Variants in IP6K2 observed in about 807,000 individuals in gnomAD.
IP6K2 encodes the protein inositol hexakisphosphate kinase 2.
In IP6K2, 9 loss-of-function variants were observed where a neutral mutation model predicts 43.3. That is an observed-to-expected ratio of 0.21 (90% CI 0.13 to 0.36). The LOEUF is 0.36. Among genes scored for constraint, IP6K2 ranks in the 10% least tolerant of loss-of-function variants. IP6K2 has a pLI of 1.00. For synonymous variants in IP6K2, 209 were observed against 202.4 expected (o/e 1.03, Z -0.28); for missense variants, 332 against 538.4 (o/e 0.62, Z 3.79).
intron 2 of IP6K2, chr3:48,694,308 A>G (rs1385700543): frequency 2.6e-6 from 4 of 1,550,884 alleles, no homozygotes; most frequent in Non-Finnish European, 3.5e-6. Context: ...CGCAATACAC[A>G]TGCATATTCA....
chr3:48,690,973 A>T (rs1194819769), intron 4 of IP6K2, among the ~76,000 whole-genome samples: 3 of 151,980 alleles, frequency 2.0e-5, no homozygotes, highest in Non-Finnish European at 4.4e-5. Flanking sequence ...AGACTTCTGA[A>T]AAGTCTGAAA....
rs2078250035 is a variant in IP6K2 at position 48,695,599 on chromosome 3, T to C, written c.-130-178A>G. On this transcript the variant is annotated intron_variant, in intron 1 of 5. Coordinates refer to ENST00000328631, the MANE Select transcript of IP6K2 (RefSeq NM_016291.4). This position sits in a 1 kb window ranked among gnomAD's most constrained non-coding sequence, Gnocchi z 4.6. Reference sequence around the variant, plus strand: ...CTCCGGCAGAAAAACAAAAACACTATGAGCTCATGGGGCGGGGTTAGATGC... The same window carrying C: ...CTCCGGCAGAAAAACAAAAACACTACGAGCTCATGGGGCGGGGTTAGATGC... 1 of 758,566 alleles carries C rather than the reference T, an allele frequency of 1.3e-6. No individual in the cohort carries two copies. Among genetic ancestry groups the C allele is most frequent in the East Asian group, 3.2e-5 (1 of 30,998 alleles). The allele number at this position is 758,566 out of a possible 1,614,324, so 47.0% of individuals were successfully genotyped here.
rs748577358 is a variant in IP6K2 at position 48,695,471 on chromosome 3, T to G, written c.-130-50A>C. ...TGGGGGTTCGAAGTAGCGTGGGAAG[T>G]GCCTTAGAGCTGCTCACCCTGCTCC... On this transcript the variant is annotated intron_variant, in intron 1 of 5. Coordinates refer to ENST00000328631, the MANE Select transcript of IP6K2 (RefSeq NM_016291.4). The surrounding 1 kb of genome is among the most constrained non-coding windows in gnomAD (Gnocchi z 4.6). 1 of 1,393,816 alleles carries G rather than the reference T, an allele frequency of 7.2e-7. No homozygotes were observed. The highest frequency in any genetic ancestry group is 9.3e-7 in the Non-Finnish European group (1 of 1,071,762). 86.3% of individuals were successfully genotyped at this position (1,393,816 alleles called of 1,614,324 possible). A position where few individuals can be genotyped will look rare whatever the true frequency, so the allele number is the denominator to read the frequency against.
At chr3:48,707,936 T>C (rs1364977929) in intron 1 of IP6K2, among the ~76,000 whole-genome samples, 1 of 152,088 alleles carries the variant, frequency 6.6e-6, no homozygotes, top group African/African-American at 2.4e-5. Context: ...CTGCCCTATC[T>C]CTCTGCCTCG....
chr3:48,695,448 G>T lies in IP6K2; in HGVS notation c.-130-27C>A. 7.1e-7 allele frequency: 1 copy of T among 1,407,384 alleles called. No individual in the cohort carries two copies. Among genetic ancestry groups the T allele is most frequent in the South Asian group, 1.6e-5 (1 of 62,266 alleles). The allele number at this position is 1,407,384 out of a possible 1,614,324, so 87.2% of individuals were successfully genotyped here. A position where few individuals can be genotyped will look rare whatever the true frequency, so the allele number is the denominator to read the frequency against. On this transcript the variant is annotated intron_variant, in intron 1 of 5. Transcript: ENST00000328631. This position sits in a 1 kb window ranked among gnomAD's most constrained non-coding sequence, Gnocchi z 4.6. The stretch of plus-strand genomic sequence containing the variant: ...TGGAAGCAAACAAAATGATGACATG[G>T]GGGTTCGAAGTAGCGTGGGAAGTGC...
In IP6K2 at chr3:48,695,343, C is replaced by CA. The variant is rs2106831583; in HGVS notation, c.-53dup. The CA allele has an allele frequency of 6.4e-7, 1 of 1,565,344 alleles. No homozygotes were observed. Among genetic ancestry groups the CA allele is most frequent in the Non-Finnish European group, 8.7e-7 (1 of 1,156,008 alleles). On this transcript the variant is annotated 5_prime_UTR_variant, in exon 2 of 6. Coordinates refer to ENST00000328631, the MANE Select transcript of IP6K2 (RefSeq NM_016291.4). This position sits in a 1 kb window ranked among gnomAD's most constrained non-coding sequence, Gnocchi z 4.6. The stretch of plus-strand genomic sequence containing the variant: ...GGGGGAGGCAGCGGAGTCCAGCGGC[C>CA]AGTACGTCTTCTGTCTGTTGTTTGT...
At chr3:48,716,007 ACT>A (rs2107132264) in intron 1 of IP6K2, among the ~76,000 whole-genome samples, 1 of 152,036 alleles carries the variant, frequency 6.6e-6, no homozygotes, top group South Asian at 2.1e-4. Context: ...GCCCTTTCTA[ACT>A]CTGATAGTGG....
At chr3:48,703,634 G>A (rs1260719341) in intron 1 of IP6K2, among the ~76,000 whole-genome samples, 3 of 151,172 alleles carry the variant, frequency 2.0e-5, no homozygotes, top group Non-Finnish European at 4.4e-5. Flanking sequence ...GGAGAATGGC[G>A]TGAACCCGGG....
chr3:48,704,358 A>T (rs531211375), intron 1 of IP6K2, among the ~76,000 whole-genome samples: 1 of 152,276 alleles, frequency 6.6e-6, no homozygotes, highest in Non-Finnish European at 1.5e-5. Flanking sequence ...CAGCAATAGG[A>T]GATGAATGAA....
intron 5 of IP6K2, among the ~76,000 whole-genome samples, chr3:48,689,291 T>C (rs1282266098): frequency 1.3e-5 from 2 of 152,212 alleles, no homozygotes; most frequent in Admixed American, 1.3e-4. Flanking sequence ...TAGCTGGTAT[T>C]ACAGCCGTGC....
In IP6K2 at chr3:48,695,135, C is replaced by T; in HGVS notation, c.157G>A (p.Glu53Lys). ...PLVPREHQFY[E>K]TLPAEMRKFT... ...TTGCGCATCTCAGCAGGGAGGGTCT[C>T]GTAGAACTGATGTTCCCTTGGGACC... The change falls in exon 2 of 6, where the codon GAG (glutamate) becomes AAG (lysine). Residue 53 changes from glutamate to lysine, a missense_variant. By Grantham distance (56) the Glu-to-Lys change is moderately conservative (BLOSUM62 1). Coordinates refer to ENST00000328631, the MANE Select transcript of IP6K2 (RefSeq NM_016291.4). The surrounding 1 kb of genome is among the most constrained non-coding windows in gnomAD (Gnocchi z 4.6). The T allele has an allele frequency of 6.2e-7, 1 of 1,611,486 alleles. No individual in the cohort carries two copies. Among genetic ancestry groups the T allele is most frequent in the Non-Finnish European group, 8.5e-7 (1 of 1,177,844 alleles).
intron 2 of IP6K2, 112 bp from the exon 3 acceptor site, chr3:48,693,291 T>A (rs2077965917): frequency 8.7e-7 from 1 of 1,143,116 alleles, no homozygotes; most frequent in Non-Finnish European, 1.3e-6. Flanking sequence ...GTCTCTATGT[T>A]GCCAGAGGCC....
chr3:48,707,716 G>A (rs2079977824), intron 1 of IP6K2, among the ~76,000 whole-genome samples: 1 of 152,176 alleles, frequency 6.6e-6, no homozygotes, highest in Non-Finnish European at 1.5e-5. Context: ...GGGATTACAG[G>A]TGTGAGCCAC....
At chr3:48,713,283 C>T (rs1455313580) in intron 1 of IP6K2, among the ~76,000 whole-genome samples, 3 of 152,262 alleles carry the variant, frequency 2.0e-5, no homozygotes, top group East Asian at 1.9e-4. Flanking sequence ...CTGTTGGCCC[C>T]GAAGCAGCCC....
intron 1 of IP6K2, among the ~76,000 whole-genome samples, chr3:48,712,071 G>A (rs2080587958): frequency 6.6e-6 from 1 of 152,060 alleles, no homozygotes; most frequent in Non-Finnish European, 1.5e-5. Flanking sequence ...CCAAACAAAT[G>A]TGGCTGCAGC....
At chr3:48,715,716 T>TC in intron 1 of IP6K2, among the ~76,000 whole-genome samples, 1 of 142,864 alleles carries the variant, frequency 7.0e-6, no homozygotes, top group African/African-American at 2.6e-5. Context: ...CTCTCTCTCT[T>TC]TTTTTTTTTT....
At chr3:48,706,797 A>C (rs534335652) in intron 1 of IP6K2, among the ~76,000 whole-genome samples, 2 of 152,322 alleles carry the variant, frequency 1.3e-5, no homozygotes, top group South Asian at 4.1e-4. Context: ...CCTGGGTGAC[A>C]AAATGAGACC....
chr3:48,714,729 C>T (rs962532478), intron 1 of IP6K2, among the ~76,000 whole-genome samples: 3 of 151,494 alleles, frequency 2.0e-5, no homozygotes, highest in Non-Finnish European at 2.9e-5. Flanking sequence ...GCAGGCCAGG[C>T]GCGGAGGCTG....
At chr3:48,710,250 C>T (rs1004677735) in intron 1 of IP6K2, among the ~76,000 whole-genome samples, 2 of 152,110 alleles carry the variant, frequency 1.3e-5, no homozygotes, top group Non-Finnish European at 2.9e-5. Context: ...ATTAGCCAGG[C>T]TTGGTGGCAT....
Sources: allele counts gnomAD v4.1 joint callset (sites outside exome capture counted in the v4.1 genomes callset), GRCh38; gene constraint gnomAD v4.1.1; non-coding constraint Gnocchi (gnomAD v3.1); transcripts MANE v1.5; gene names NCBI Gene and HGNC (gene_info 2026-07-23, HGNC 2026-07-21).